PDE1C: variants seen among roughly 807,000 people sequenced by gnomAD.
PDE1C encodes the protein phosphodiesterase 1C.
A neutral mutation model predicts 93.1 loss-of-function variants in PDE1C; 62 were observed. The ratio of observed to expected loss-of-function variants is 0.67; its 90% CI spans 0.54 to 0.82. PDE1C has a LOEUF of 0.82. Ranked by LOEUF, PDE1C falls within the 40% of genes least tolerant of loss-of-function variation. The probability of loss-of-function intolerance (pLI) is 0.00; values close to 1 mark genes in which losing one functional copy is unlikely to be tolerated. For missense variants in PDE1C, 742 were observed against 884.6 expected (o/e 0.84, Z 2.04); for synonymous variants, 325 against 310.1 (o/e 1.05, Z -0.50).
intron 2 of PDE1C, among the ~76,000 whole-genome samples, chr7:32,003,744 C>A (rs1362357215): frequency 6.6e-6 from 1 of 152,188 alleles, no homozygotes; most frequent in Non-Finnish European, 1.5e-5. Flanking sequence ...GCCATTCATT[C>A]ATGTTCTAGG....
At chr7:32,161,335 CTT>C (rs2128798105) in intron 3 of PDE1C, among the ~76,000 whole-genome samples, 1 of 152,288 alleles carries the variant, frequency 6.6e-6, no homozygotes, top group Non-Finnish European at 1.5e-5. Context: ...ACAGAGCATC[CTT>C]GACATTGGGC....
intron 2 of PDE1C, among the ~76,000 whole-genome samples, chr7:31,919,104 A>G (rs1255486510): frequency 6.6e-6 from 1 of 152,228 alleles, no homozygotes; most frequent in Non-Finnish European, 1.5e-5. Context: ...TTGTTTACTA[A>G]CTTGTCAAGA....
chr7:31,776,474 G>A (rs1204512096), intron 16 of PDE1C, among the ~76,000 whole-genome samples: 4 of 152,072 alleles, frequency 2.6e-5, no homozygotes, highest in South Asian at 4.1e-4. Flanking sequence ...GGGTCACGAG[G>A]CAATGAAAAG....
intron 2 of PDE1C, among the ~76,000 whole-genome samples, chr7:32,042,554 A>G (rs2128664314): frequency 6.6e-6 from 1 of 152,334 alleles, no homozygotes. Context: ...AATAGATTTC[A>G]ATCAGTAGGG....
At chr7:31,729,958 A>G in the PDE1C span, among the ~76,000 whole-genome samples, 1 of 152,146 alleles carries the variant, frequency 6.6e-6, no homozygotes, top group South Asian at 2.1e-4. Context: ...CATGGGGTAC[A>G]AGTATCAGCC....
intron 3 of PDE1C, among the ~76,000 whole-genome samples, chr7:32,151,085 C>G (rs1028473313): frequency 6.6e-6 from 1 of 152,170 alleles, no homozygotes; most frequent in African/African-American, 2.4e-5. Context: ...ACATTACTTA[C>G]TCTGGCCAAT....
chr7:32,299,701 C>T (rs1812835142), upstream of PDE1C, among the ~76,000 whole-genome samples: 1 of 152,174 alleles, frequency 6.6e-6, no homozygotes, highest in African/African-American at 2.4e-5. Flanking sequence ...CACTTTATGA[C>T]GATGCCAAGT....
chr7:31,944,957 C>T (rs1806406113), intron 2 of PDE1C, among the ~76,000 whole-genome samples: 1 of 152,112 alleles, frequency 6.6e-6, no homozygotes, highest in South Asian at 2.1e-4. Flanking sequence ...CTTTCCCCTG[C>T]TCTTTTCCTG....
chr7:31,802,295 C>T (rs1195960605), intron 16 of PDE1C, among the ~76,000 whole-genome samples: 1 of 151,450 alleles, frequency 6.6e-6, no homozygotes, highest in Non-Finnish European at 1.5e-5. Context: ...CCTCAATCCT[C>T]CAATGATTTT....
At chr7:32,073,482 C>T (rs1400150083), upstream of PDE1C, among the ~76,000 whole-genome samples, 1 of 152,114 alleles carries the variant, frequency 6.6e-6, no homozygotes, top group East Asian at 1.9e-4. Flanking sequence ...GATAGAGTGG[C>T]TCCAGTTGAA....
At chr7:32,216,374 CCT>C (rs1806437348) in intron 1 of PDE1C, among the ~76,000 whole-genome samples, 1 of 152,084 alleles carries the variant, frequency 6.6e-6, no homozygotes, top group Non-Finnish European at 1.5e-5. Context: ...GGGTTTATTG[CCT>C]TTCTCCTTCC....
chr7:31,858,960 T>C (rs1389138008), intron 7 of PDE1C, among the ~76,000 whole-genome samples: 1 of 151,630 alleles, frequency 6.6e-6, no homozygotes, highest in Non-Finnish European at 1.5e-5. Context: ...AGTGGGAAAA[T>C]ATTGCTATGC....
At chr7:32,273,106 T>C (rs1562639771) in intron 1 of PDE1C, among the ~76,000 whole-genome samples, 1 of 152,168 alleles carries the variant, frequency 6.6e-6, no homozygotes, top group African/African-American at 2.4e-5. Context: ...TGAAGAAATC[T>C]ATTTCAGCTA....
At chr7:32,088,163 A>G (rs1251245904) in intron 3 of PDE1C, among the ~76,000 whole-genome samples, 1 of 152,164 alleles carries the variant, frequency 6.6e-6, no homozygotes, top group East Asian at 1.9e-4. Context: ...ACCACTACTA[A>G]TAAATGCATC....
rs951944381 is a variant in PDE1C at position 32,156,819 on chromosome 7, A to G, written c.308+12966T>C. Reference sequence around the variant, plus strand: ...AACCACTGCAAGTTTGTTGGGAAAAAGGTTATTTACAGAGTCTCAAAGTGT... The same window carrying G: ...AACCACTGCAAGTTTGTTGGGAAAAGGGTTATTTACAGAGTCTCAAAGTGT... On this transcript the variant is annotated intron_variant, in intron 3 of 18. Transcript: ENST00000396193. Among the ~76,000 whole-genome samples, 3 of 152,332 alleles carry G rather than the reference A, an allele frequency of 2.0e-5. No homozygotes were observed. The East Asian group carries it at 5.8e-4, about 29-fold the overall frequency.
At chr7:31,654,939 G>C in the PDE1C span, among the ~76,000 whole-genome samples, 1 of 151,952 alleles carries the variant, frequency 6.6e-6, no homozygotes, top group Non-Finnish European at 1.5e-5. Context: ...CCTACCCTTG[G>C]GACCACCACA....
At chr7:32,112,683 G>A (rs1798710016) in intron 3 of PDE1C, among the ~76,000 whole-genome samples, 1 of 150,454 alleles carries the variant, frequency 6.6e-6, no homozygotes, top group Non-Finnish European at 1.5e-5. Flanking sequence ...TTGTAATCCT[G>A]GCCTGAAGCA....
chr7:31,693,295 G>A, the PDE1C span, among the ~76,000 whole-genome samples: 1 of 152,214 alleles, frequency 6.6e-6, no homozygotes, highest in African/African-American at 2.4e-5. Context: ...TGACAGGTTT[G>A]TACCTCAAGA....
the PDE1C span, among the ~76,000 whole-genome samples, chr7:31,703,248 A>G: frequency 6.6e-6 from 1 of 152,190 alleles, no homozygotes; most frequent in South Asian, 2.1e-4. Flanking sequence ...CCATTTCTGA[A>G]GGTGAGGATT....
Sources: gnomAD v4.1 joint callset for allele counts (sites outside exome capture counted in the v4.1 genomes callset) on GRCh38, gnomAD v4.1.1 for gene constraint, MANE v1.5 for transcripts, NCBI Gene and HGNC (gene_info 2026-07-23, HGNC 2026-07-21) for gene names.